ABLIM1: variants seen among roughly 807,000 people sequenced by gnomAD.
ABLIM1 encodes actin-binding LIM protein 1.
A neutral mutation model predicts 107.0 loss-of-function variants in ABLIM1; 40 were observed. That is an observed-to-expected ratio of 0.37 (90% confidence interval 0.29 to 0.49). ABLIM1 has a LOEUF of 0.49. Among genes scored for constraint, ABLIM1 ranks in the 20% least tolerant of loss-of-function variants. The pLI, the probability that ABLIM1 is intolerant of heterozygous loss-of-function variation, is 0.97. For synonymous variants in ABLIM1, 357 were observed against 357.3 expected (o/e 1.00, Z 0.01); for missense variants, 857 against 1,008.5 (o/e 0.85, Z 2.04).
intron 1 of ABLIM1, among the ~76,000 whole-genome samples, chr10:114,693,842 T>G (rs968993216): frequency 6.8e-5 from 9 of 132,424 alleles, no homozygotes; most frequent in Admixed American, 1.5e-4. Context: ...TTTTTTTTTT[T>G]GTAGAGATTG....
chr10:114,559,358 C>T (rs1475238033), intron 4 of ABLIM1, among the ~76,000 whole-genome samples: 3 of 142,404 alleles, frequency 2.1e-5, no homozygotes, highest in African/African-American at 7.6e-5. Context: ...ATCCCAGCTA[C>T]TCAGGACGCT....
intron 1 of ABLIM1, chr10:114,767,930 C>G (rs1270144538): frequency 3.4e-5 from 11 of 326,616 alleles, no homozygotes; most frequent in Non-Finnish European, 6.1e-5. Flanking sequence ...CCGGCAGCCC[C>G]GAGCCCGGGG....
chr10:114,682,459 C>T (rs2080787820), intron 1 of ABLIM1, among the ~76,000 whole-genome samples: 1 of 152,208 alleles, frequency 6.6e-6, no homozygotes, highest in South Asian at 2.1e-4. Context: ...TTATTTATTA[C>T]ATATCCTTTC....
At chr10:114,468,421 C>CG (rs33941331) in intron 10 of ABLIM1, among the ~76,000 whole-genome samples, 3 of 832 alleles carry the variant, frequency 3.6e-3, no homozygotes, top group East Asian at 0.1. Context: ...ACTACAGGCG[C>CG]CGCCACCACC....
chr10:114,474,435 C>T (rs2067192890), intron 8 of ABLIM1, among the ~76,000 whole-genome samples: 2 of 144,132 alleles, frequency 1.4e-5, no homozygotes, highest in Non-Finnish European at 3.0e-5. Flanking sequence ...GGCTGGAGTG[C>T]AGTGGTGCGA....
At chr10:114,647,850 T>G (rs1744268579) in intron 1 of ABLIM1, among the ~76,000 whole-genome samples, 1 of 152,222 alleles carries the variant, frequency 6.6e-6, no homozygotes, top group Admixed American at 6.5e-5. Flanking sequence ...AGTAAGTCAC[T>G]TACAGAAAGT....
intron 1 of ABLIM1, among the ~76,000 whole-genome samples, chr10:114,731,124 G>A (rs2082064103): frequency 6.6e-6 from 1 of 152,032 alleles, no homozygotes; most frequent in Admixed American, 6.6e-5. Context: ...GTACACATTT[G>A]TGTACAAGTT....
chr10:114,440,231 T>C (rs2059995966), intron 19 of ABLIM1, 142 bp from the exon 20 acceptor site: 2 of 839,390 alleles, frequency 2.4e-6, no homozygotes, highest in East Asian at 2.6e-5. Context: ...ACTCTGCACA[T>C]GTTATCCCAT....
chr10:114,433,222 T>C lies in ABLIM1; in HGVS notation c.*3038A>G, dbSNP rs1442514849. ...TGTTAATAACTGGAATTTTCATGTA[T>C]AGTACAGGGTAGGGTAAAAGCAGAC... On this transcript the variant is annotated 3_prime_UTR_variant, in exon 23 of 23. Transcript: ENST00000533213. 6.6e-6 allele frequency: 1 copy of C among 152,182 alleles called. No homozygotes were observed. The highest frequency in any genetic ancestry group is 6.5e-5 in the Admixed American group (1 of 15,280). The allele number at this position is 152,182 out of a possible 1,614,324, so 9.4% of individuals were successfully genotyped here. A position where few individuals can be genotyped will look rare whatever the true frequency, so the allele number is the denominator to read the frequency against.
At chr10:114,473,841 C>A in intron 9 of ABLIM1, 38 bp downstream of exon 9, 2 of 1,505,636 alleles carry the variant, frequency 1.3e-6, no homozygotes, top group Non-Finnish European at 1.8e-6. Context: ...ACTAATTTAC[C>A]TGTCCCAGAA....
At chr10:114,517,868 G>A (rs192134784) in intron 6 of ABLIM1, among the ~76,000 whole-genome samples, 8 of 152,154 alleles carry the variant, frequency 5.3e-5, no homozygotes, top group African/African-American at 1.2e-4. Context: ...AACGCTGCAC[G>A]GGCTGACATG....
At chr10:114,763,818 G>C (rs1432088065) in intron 1 of ABLIM1, among the ~76,000 whole-genome samples, 1 of 152,050 alleles carries the variant, frequency 6.6e-6, no homozygotes, top group Admixed American at 6.6e-5. Flanking sequence ...GAAATAACTG[G>C]GGCTTATTAA....
intron 1 of ABLIM1, among the ~76,000 whole-genome samples, chr10:114,603,729 G>A (rs1010393828): frequency 5.9e-5 from 9 of 151,758 alleles, no homozygotes; most frequent in South Asian, 2.1e-4. Flanking sequence ...CGAGGTGGGC[G>A]GATCACCTGA....
At chr10:114,532,003 C>A (rs1048319225) in intron 6 of ABLIM1, among the ~76,000 whole-genome samples, 1 of 152,070 alleles carries the variant, frequency 6.6e-6, no homozygotes, top group African/African-American at 2.4e-5. Context: ...TTAGTAGATA[C>A]GGGGTTTCAT....
At chr10:114,616,267 A>G (rs1379256447) in intron 1 of ABLIM1, among the ~76,000 whole-genome samples, 1 of 152,232 alleles carries the variant, frequency 6.6e-6, no homozygotes, top group East Asian at 1.9e-4. Flanking sequence ...CCTATAGCCA[A>G]CAGCCAGCAG....
chr10:114,731,442 ATGTT>A (rs544185023), intron 1 of ABLIM1, among the ~76,000 whole-genome samples: 172 of 144,174 alleles, frequency 1.2e-3, no homozygotes, highest in Middle Eastern at 4.3e-3. Context: ...ATGCCTAGAC[ATGTT>A]TGTTTGTTTG....
At chr10:114,613,574 A>G (rs1202198413) in intron 1 of ABLIM1, 3 of 864,350 alleles carry the variant, frequency 3.5e-6, no homozygotes, top group Non-Finnish European at 5.0e-6. Context: ...GTGCTTATAA[A>G]TTTCAGAAAC....
chr10:114,452,424 T>C (rs1176596872), intron 13 of ABLIM1, among the ~76,000 whole-genome samples: 1 of 152,136 alleles, frequency 6.6e-6, no homozygotes, highest in Non-Finnish European at 1.5e-5. Context: ...ATCCCAGATA[T>C]AGAACATTAA....
chr10:114,646,812 T>C (rs753119006), intron 1 of ABLIM1, among the ~76,000 whole-genome samples: 2 of 152,182 alleles, frequency 1.3e-5, no homozygotes, highest in Non-Finnish European at 2.9e-5. Flanking sequence ...TGTTGGATCC[T>C]GTTTGCATCT....
Sources: gnomAD v4.1 joint callset for allele counts (sites outside exome capture counted in the v4.1 genomes callset) on GRCh38, gnomAD v4.1.1 for gene constraint, MANE v1.5 for transcripts, NCBI Gene and HGNC (gene_info 2026-07-23, HGNC 2026-07-21) for gene names.